Variants in MLIP observed in about 807,000 individuals in gnomAD.
The protein encoded by MLIP is muscular LMNA-interacting protein.
A neutral mutation model predicts 84.8 loss-of-function variants in MLIP; 79 were observed. The ratio of observed to expected loss-of-function variants is 0.93; its 90% CI spans 0.78 to 1.12. The LOEUF (loss-of-function observed/expected upper bound fraction) is 1.12. Among genes scored for constraint, MLIP ranks in the 50% most tolerant of loss-of-function variants. The pLI, the probability that MLIP is intolerant of heterozygous loss-of-function variation, is 0.00. For synonymous variants in MLIP, 504 were observed against 463.0 expected, an observed-to-expected ratio of 1.09 and a Z score of -1.14; for missense variants, 1,257 against 1,160.6, an observed-to-expected ratio of 1.08 and a Z score of -1.21.
chr6:54,102,740 A>C (rs537974172), intron 1 of MLIP, among the ~76,000 whole-genome samples: 1 of 152,310 alleles, frequency 6.6e-6, no homozygotes, highest in East Asian at 1.9e-4. Flanking sequence ...CTACTATGTG[A>C]CAGGCACTGC....
At chr6:54,089,368 A>C (rs547413) in intron 1 of MLIP, among the ~76,000 whole-genome samples, 152,210 of 152,268 alleles carry the variant, frequency 1, 76,076 homozygotes, top group Non-Finnish European at 1. Flanking sequence ...TTTTATGCTA[A>C]CTGATTAGTT....
At chr6:54,223,293 T>C (rs1330831982) in intron 11 of MLIP, among the ~76,000 whole-genome samples, 2 of 54,634 alleles carry the variant, frequency 3.7e-5, no homozygotes, top group Non-Finnish European at 7.6e-5. Context: ...TTTGCTGTCG[T>C]ATCAACAAAC....
At chr6:54,125,023 G>C (rs1481881347) in intron 3 of MLIP, among the ~76,000 whole-genome samples, 158 bp downstream of exon 3, 3 of 152,224 alleles carry the variant, frequency 2.0e-5, no homozygotes, top group Non-Finnish European at 4.4e-5. Flanking sequence ...AATCATCATA[G>C]TGTAAACACA....
intron 11 of MLIP, among the ~76,000 whole-genome samples, chr6:54,224,538 T>C (rs1780444414): frequency 6.6e-6 from 1 of 152,076 alleles, no homozygotes; most frequent in African/African-American, 2.4e-5. Context: ...ACGATGGAAA[T>C]ACATTCTGAG....
chr6:54,202,285 A>ATG, intron 11 of MLIP, 52 bp downstream of exon 11: 1 of 822,120 alleles, frequency 1.2e-6, no homozygotes, highest in Non-Finnish European at 1.5e-6. Context: ...ATAAATATAT[A>ATG]TAAAATATAT....
At chr6:54,023,771 C>T (rs1475412690) in intron 1 of MLIP, among the ~76,000 whole-genome samples, 3 of 151,850 alleles carry the variant, frequency 2.0e-5, no homozygotes, top group African/African-American at 7.3e-5. Flanking sequence ...GGTTTCTCCA[C>T]GTTAGCCAAG....
chr6:54,183,830 C>T (rs1189159890), intron 9 of MLIP, among the ~76,000 whole-genome samples: 4 of 147,678 alleles, frequency 2.7e-5, no homozygotes, highest in South Asian at 2.2e-4. Context: ...CTGCAACCTC[C>T]GACTCTTAGA....
intron 12 of MLIP, among the ~76,000 whole-genome samples, chr6:54,246,169 G>A (rs527537167): frequency 6.6e-6 from 1 of 152,078 alleles, no homozygotes; most frequent in East Asian, 1.9e-4. Flanking sequence ...CCTTCCTCAG[G>A]TTTTATAAAA....
chr6:54,098,495 G>A (rs1366901683), intron 1 of MLIP, among the ~76,000 whole-genome samples: 1 of 151,784 alleles, frequency 6.6e-6, no homozygotes, highest in Non-Finnish European at 1.5e-5. Context: ...AGGAGGGGAA[G>A]CAGGGAGGTC....
intron 1 of MLIP, among the ~76,000 whole-genome samples, chr6:54,021,047 A>G (rs1050787243): frequency 2.0e-5 from 3 of 152,220 alleles, no homozygotes; most frequent in African/African-American, 7.2e-5. Flanking sequence ...TGGAAAATCT[A>G]TATCTTTGAG....
chr6:54,027,554 T>C (rs1334223047), intron 1 of MLIP, among the ~76,000 whole-genome samples: 1 of 152,190 alleles, frequency 6.6e-6, no homozygotes, highest in Non-Finnish European at 1.5e-5. Context: ...ACCTTAATTT[T>C]AGCCCCTCTG....
At chr6:54,202,279 AT>A in intron 11 of MLIP, 46 bp downstream of exon 11, 1 of 867,942 alleles carries the variant, frequency 1.2e-6, no homozygotes, top group African/African-American at 2.9e-5. Context: ...ATAAATATAA[AT>A]ATATATAAAA....
intron 10 of MLIP, among the ~76,000 whole-genome samples, chr6:54,194,726 C>T (rs753334368): frequency 6.6e-6 from 1 of 151,068 alleles, no homozygotes; most frequent in Non-Finnish European, 1.5e-5. Context: ...ATTAGGTTCT[C>T]GAATCACCTT....
rs140312622 is a variant in MLIP, at chr6:54,157,876, G to A, written c.2290-2491G>A. Among the ~76,000 whole-genome samples, 1,497 of 152,192 alleles carry A rather than the reference G, an allele frequency of 9.8e-3. 29 individuals are homozygous for A. The highest frequency in any genetic ancestry group is 0.033 in the African/African-American group (1,382 of 41,524). On this transcript the variant is annotated intron_variant, in intron 5 of 13. Coordinates refer to ENST00000502396, the MANE Select transcript of MLIP (RefSeq NM_001281747.2). ...AATAGATTTTTGTTATGGTAAGAAAGAAGCAATATTGAATGTTTTTATTAG... is the reference window on the plus strand; with the variant it reads ...AATAGATTTTTGTTATGGTAAGAAAAAAGCAATATTGAATGTTTTTATTAG...
chr6:54,050,755 A>G (rs184957209), intron 1 of MLIP, among the ~76,000 whole-genome samples: 2 of 152,284 alleles, frequency 1.3e-5, no homozygotes, highest in African/African-American at 4.8e-5. Flanking sequence ...TATTCTGGCA[A>G]GCTGTATGGG....
intron 1 of MLIP, among the ~76,000 whole-genome samples, chr6:54,038,353 T>C (rs1436023518): frequency 6.6e-6 from 1 of 151,868 alleles, no homozygotes; most frequent in Non-Finnish European, 1.5e-5. Context: ...ATGTCAAAAA[T>C]GGTTTGGATT....
At chr6:54,245,058 G>T (rs942939296) in intron 12 of MLIP, among the ~76,000 whole-genome samples, 17 of 152,148 alleles carry the variant, frequency 1.1e-4, no homozygotes, top group African/African-American at 4.1e-4. Flanking sequence ...TATGGACAGA[G>T]AGAAAATAAA....
intron 9 of MLIP, among the ~76,000 whole-genome samples, chr6:54,175,051 T>C (rs1222418542): frequency 6.6e-6 from 1 of 152,078 alleles, no homozygotes; most frequent in Non-Finnish European, 1.5e-5. Flanking sequence ...AAAAATGAGT[T>C]CACTGTAAGT....
rs1047682422 is a variant in MLIP at position 54,175,841 on chromosome 6, T to C, written c.2544+6269T>C. 1.3e-4 allele frequency among the ~76,000 whole-genome samples: 20 copies of C among 152,150 alleles called. No individual in the cohort carries two copies. In the East Asian group the frequency reaches 3.9e-3, roughly 29 times the overall value. ...TAAAAGAAAAGCTTTCAGGTTTTCCTCATTCTGTATGATTCTAGCTGTGGC... is the reference window on the plus strand; with the variant it reads ...TAAAAGAAAAGCTTTCAGGTTTTCCCCATTCTGTATGATTCTAGCTGTGGC... On this transcript the variant is annotated intron_variant, in intron 9 of 13. Coordinates refer to ENST00000502396, the MANE Select transcript of MLIP (RefSeq NM_001281747.2).
Sources: allele counts gnomAD v4.1 joint callset (sites outside exome capture counted in the v4.1 genomes callset), GRCh38; gene constraint gnomAD v4.1.1; transcripts MANE v1.5; gene names NCBI Gene and HGNC (gene_info 2026-07-23, HGNC 2026-07-21).